Variants in SMG7 observed in about 807,000 individuals in gnomAD.
SMG7 encodes nonsense-mediated mRNA decay factor SMG7.
SMG7 carries 34 observed loss-of-function variants against 148.2 expected under a neutral mutation model. The ratio of observed to expected loss-of-function variants is 0.23; its 90% confidence interval spans 0.17 to 0.31. The LOEUF is 0.31. Among genes scored for constraint, SMG7 ranks in the 10% least tolerant of loss-of-function variants. The probability of loss-of-function intolerance (pLI) is 1.00; values close to 1 mark genes in which losing one functional copy is unlikely to be tolerated. For synonymous variants in SMG7, 492 were observed against 515.1 expected, an observed-to-expected ratio of 0.96 and a Z score of 0.61; for missense variants, 1,114 against 1,408.4, an observed-to-expected ratio of 0.79 and a Z score of 3.35.
chr1:183,505,320 C>T (rs1179982928), intron 1 of SMG7, among the ~76,000 whole-genome samples: 1 of 152,170 alleles, frequency 6.6e-6, no homozygotes, highest in Non-Finnish European at 1.5e-5. Flanking sequence ...TTATTTATCT[C>T]ATAGTACTTT....
chr1:183,498,732 A>G (rs1659106137), intron 1 of SMG7, among the ~76,000 whole-genome samples: 1 of 152,252 alleles, frequency 6.6e-6, no homozygotes, highest in African/African-American at 2.4e-5. Context: ...TACATTTGTT[A>G]TAACTCGTGA....
At chr1:183,525,718 G>C (rs1012265276) in intron 4 of SMG7, among the ~76,000 whole-genome samples, 3 of 152,112 alleles carry the variant, frequency 2.0e-5, no homozygotes, top group African/African-American at 7.2e-5. Context: ...AGAAGAGTTA[G>C]CTCTGACTAG....
At chr1:183,545,460 T>C in intron 16 of SMG7, 148 bp downstream of exon 16, 2 of 912,100 alleles carry the variant, frequency 2.2e-6, no homozygotes, top group South Asian at 3.6e-5. Context: ...GTCTCTACTG[T>C]TTATGAAAGT....
intron 1 of SMG7, among the ~76,000 whole-genome samples, chr1:183,475,332 GAC>G (rs1369929327): frequency 6.6e-6 from 1 of 152,214 alleles, no homozygotes; most frequent in Non-Finnish European, 1.5e-5. Flanking sequence ...AATAAAGTAA[GAC>G]AGGGATGTAC....
intron 18 of SMG7, among the ~76,000 whole-genome samples, chr1:183,548,477 A>G (rs1670335752): frequency 6.6e-6 from 1 of 152,190 alleles, no homozygotes; most frequent in African/African-American, 2.4e-5. Flanking sequence ...ATGGTAGAAC[A>G]AGTGGGAGTA....
rs777541311 is a variant in SMG7 at position 183,544,515 on chromosome 1, T to C, written c.1987+18T>C. On this transcript the variant is annotated intron_variant, in intron 15 of 22. Coordinates refer to ENST00000688051, the MANE Select transcript of SMG7 (RefSeq NM_001375584.1). ...CAGGCCAGGTAAATATGTTTTGTAA[T>C]TTCTTCTACTTAATCTTTTCTGTGC... 2.5e-6 allele frequency: 4 copies of C among 1,610,374 alleles called. No individual in the cohort carries two copies. Among genetic ancestry groups the C allele is most frequent in the Non-Finnish European group, 3.4e-6 (4 of 1,177,496 alleles).
At chr1:183,478,930 A>G (rs1025606501) in intron 1 of SMG7, among the ~76,000 whole-genome samples, 10 of 152,188 alleles carry the variant, frequency 6.6e-5, no homozygotes, top group Non-Finnish European at 1.5e-5. Context: ...CAGTCAAGCC[A>G]TATTTTAGTT....
intron 1 of SMG7, among the ~76,000 whole-genome samples, chr1:183,494,472 G>A (rs75934893): frequency 0.011 from 1,677 of 149,284 alleles, 32 homozygotes; most frequent in African/African-American, 0.04. Flanking sequence ...TCTGGCACTC[G>A]TCATCTCTTT....
chr1:183,488,109 G>A (rs957694008), intron 1 of SMG7, among the ~76,000 whole-genome samples: 1 of 152,186 alleles, frequency 6.6e-6, no homozygotes, highest in Non-Finnish European at 1.5e-5. Flanking sequence ...AGCCAGCTCT[G>A]TTATGTGAAG....
Position 183,551,137 on chromosome 1 carries a change from G to A in SMG7, c.3397G>A (p.Gly1133Ser), listed in dbSNP as rs1670976481. ...QASTPSGTWT[G>S]HGPSMEDSSA... ...CAGCACTCCGAGTGGCACCTGGACA[G>A]GCCATGGCCCTTCCATGGAGGATTC... Residue 1133 changes from glycine (G) to serine (S), a missense_variant, in exon 22 of 23, where the codon GGC becomes AGC. By Grantham distance (56) the Gly-to-Ser change is moderately conservative. Transcript: ENST00000688051. The A allele has an allele frequency of 6.3e-7, 1 of 1,591,526 alleles. No individual in the cohort carries two copies. Among genetic ancestry groups the A allele is most frequent in the African/African-American group, 1.4e-5 (1 of 73,164 alleles).
At chr1:183,539,600 G>A (rs192607970) in intron 12 of SMG7, among the ~76,000 whole-genome samples, 48 of 152,224 alleles carry the variant, frequency 3.2e-4, no homozygotes, top group African/African-American at 1.2e-3. Context: ...AAACTTTAAC[G>A]TGACCAAAAA....
At chr1:183,539,673 G>T (rs1668453083) in intron 12 of SMG7, among the ~76,000 whole-genome samples, 1 of 152,140 alleles carries the variant, frequency 6.6e-6, no homozygotes, top group African/African-American at 2.4e-5. Flanking sequence ...TTTTCTGTCT[G>T]TGCCTGTGGC....
intron 1 of SMG7, 98 bp from the exon 2 acceptor site, chr1:183,512,721 GTATATCCTTATCGTAGTA>G: frequency 1.0e-6 from 1 of 959,342 alleles, no homozygotes; most frequent in South Asian, 1.6e-5. Flanking sequence ...TATAGCTGCT[GTATATCCTTATCGTAGTA>G]TATGATTTCA....
At chr1:183,480,789 A>G (rs931646834) in intron 1 of SMG7, among the ~76,000 whole-genome samples, 3 of 152,156 alleles carry the variant, frequency 2.0e-5, no homozygotes, top group African/African-American at 7.2e-5. Flanking sequence ...ATTCTTTTGA[A>G]AAATTCTTCC....
At chr1:183,540,957 C>T in intron 12 of SMG7, 27 bp from the exon 13 acceptor site, 2 of 1,607,550 alleles carry the variant, frequency 1.2e-6, no homozygotes, top group Non-Finnish European at 1.7e-6. Context: ...ATTTAATATT[C>T]TCATAACTTG....
intron 16 of SMG7, 76 bp downstream of exon 16, chr1:183,545,388 T>C: frequency 2.7e-6 from 4 of 1,483,326 alleles, no homozygotes; most frequent in Non-Finnish European, 3.6e-6. Flanking sequence ...TTAGAAATGC[T>C]CATTAAACTT....
chr1:183,534,355 A>G (rs1274337278), intron 10 of SMG7, among the ~76,000 whole-genome samples: 3 of 152,218 alleles, frequency 2.0e-5, no homozygotes, highest in Non-Finnish European at 4.4e-5. Context: ...CTTAGGAACC[A>G]TTGATTTTAC....
Position 183,552,179 on chromosome 1 carries a change from T to G in SMG7, c.*248T>G. The G allele has an allele frequency of 8.7e-7, 1 of 1,148,266 alleles. No individual in the cohort carries two copies. The allele number at this position is 1,148,266 out of a possible 1,614,324, so 71.1% of individuals were successfully genotyped here. A position where few individuals can be genotyped will look rare whatever the true frequency, so the allele number is the denominator to read the frequency against. ...AGGGAGAGAGAGAGGAACTGCTGTT[T>G]ATCTCACTCAGTTACTTGGTATCAC... On this transcript the variant is annotated 3_prime_UTR_variant, in exon 23 of 23. Coordinates refer to ENST00000688051, the MANE Select transcript of SMG7 (RefSeq NM_001375584.1).
chr1:183,519,135 GTGA>G (rs1664201246), intron 4 of SMG7, among the ~76,000 whole-genome samples: 1 of 152,150 alleles, frequency 6.6e-6, no homozygotes, highest in African/African-American at 2.4e-5. Flanking sequence ...TGAGGCTGCA[GTGA>G]ACCGTGATTG....
Sources: gnomAD v4.1 joint callset for allele counts (sites outside exome capture counted in the v4.1 genomes callset) on GRCh38, gnomAD v4.1.1 for gene constraint, MANE v1.5 for transcripts, NCBI Gene and HGNC (gene_info 2026-07-23, HGNC 2026-07-21) for gene names.